Variants in GUCY2C observed in about 807,000 individuals in gnomAD.
GUCY2C encodes guanylyl cyclase C.
A neutral mutation model predicts 131.1 loss-of-function variants in GUCY2C; 118 were observed. The observed-to-expected ratio is 0.90, with a 90% confidence interval of 0.78 to 1.05. The LOEUF (loss-of-function observed/expected upper bound fraction) is 1.05, where lower values mean the gene tolerates loss of function less well. Among genes scored for constraint, GUCY2C ranks in the 50% least tolerant of loss-of-function variants. The pLI is 0.00. For missense variants in GUCY2C, 1,161 were observed against 1,304.4 expected (o/e 0.89, Z 1.69); for synonymous variants, 452 against 457.8 (o/e 0.99, Z 0.16).
At chr12:14,683,520 A>G (rs1948394154) in intron 3 of GUCY2C, among the ~76,000 whole-genome samples, 1 of 152,188 alleles carries the variant, frequency 6.6e-6, no homozygotes, top group Non-Finnish European at 1.5e-5. Flanking sequence ...TTCTAAAGTG[A>G]GTCATCATGA....
chr12:14,635,717 C>T (rs1201623093), intron 19 of GUCY2C, among the ~76,000 whole-genome samples: 1 of 151,528 alleles, frequency 6.6e-6, no homozygotes, highest in Non-Finnish European at 1.5e-5. Context: ...GCTAGACTAA[C>T]CAAGAAAAAA....
intron 9 of GUCY2C, among the ~76,000 whole-genome samples, chr12:14,672,544 A>G (rs1264682559): frequency 6.6e-6 from 1 of 152,184 alleles, no homozygotes; most frequent in African/African-American, 2.4e-5. Flanking sequence ...TGATCCTCTC[A>G]TTGGTATCCC....
chr12:14,668,032 C>G (rs1592130586), intron 10 of GUCY2C, among the ~76,000 whole-genome samples: 2 of 100,556 alleles, frequency 2.0e-5, no homozygotes, highest in African/African-American at 3.9e-5. Flanking sequence ...GAGGCAGGGT[C>G]TTGCTCTGTC....
intron 19 of GUCY2C, among the ~76,000 whole-genome samples, chr12:14,634,357 C>A (rs1201160398): frequency 6.6e-6 from 1 of 152,180 alleles, no homozygotes; most frequent in African/African-American, 2.4e-5. Context: ...TTCATCACCC[C>A]TAGACCTCCC....
At chr12:14,634,989 G>A (rs1275605273) in intron 19 of GUCY2C, among the ~76,000 whole-genome samples, 1 of 152,116 alleles carries the variant, frequency 6.6e-6, no homozygotes, top group Non-Finnish European at 1.5e-5. Context: ...AGATCTAAAG[G>A]AAGAAGTAGA....
At chr12:14,664,583 C>G (rs1204314689) in intron 10 of GUCY2C, among the ~76,000 whole-genome samples, 1 of 152,040 alleles carries the variant, frequency 6.6e-6, no homozygotes, top group Non-Finnish European at 1.5e-5. Context: ...AACGCAGTAT[C>G]AAGTTCTAAA....
intron 16 of GUCY2C, among the ~76,000 whole-genome samples, chr12:14,644,582 C>A (rs1250372133): frequency 6.6e-6 from 1 of 152,120 alleles, no homozygotes; most frequent in African/African-American, 2.4e-5. Context: ...CCTCTCACAA[C>A]CAACTTGTCT....
In GUCY2C at chr12:14,674,280, G is replaced by T. The variant is rs755908537; in HGVS notation, c.1084+345C>A. The T allele has an allele frequency of 9.9e-5, 33 of 332,058 alleles. 2 individuals carry two copies. Among genetic ancestry groups the T allele is most frequent in the Admixed American group, 5.5e-4 (14 of 25,320 alleles). 20.6% of individuals were successfully genotyped at this position (332,058 alleles called of 1,614,324 possible). A position where few individuals can be genotyped will look rare whatever the true frequency, so the allele number is the denominator to read the frequency against. On this transcript the variant is annotated intron_variant, in intron 8 of 26. Coordinates refer to ENST00000261170, the MANE Select transcript of GUCY2C (RefSeq NM_004963.4). ...AAGGATAGAAAAGGAGATATGGAAG[G>T]ACCCAAATCAAACTGCAAATGTTTA...
intron 10 of GUCY2C, among the ~76,000 whole-genome samples, chr12:14,662,397 C>G (rs985130936): frequency 2.0e-5 from 3 of 151,834 alleles, no homozygotes; most frequent in Admixed American, 6.6e-5. Context: ...AGATGTTGGC[C>G]GGGTGCGGTG....
At chr12:14,687,909 G>T in intron 2 of GUCY2C, 42 bp downstream of exon 2, 1 of 1,022,062 alleles carries the variant, frequency 9.8e-7, no homozygotes, top group Non-Finnish European at 1.6e-6. Context: ...ATTATCCTGT[G>T]CCCAGAGGCC....
chr12:14,691,031 A>T (rs1390583963), intron 1 of GUCY2C, among the ~76,000 whole-genome samples: 1 of 152,270 alleles, frequency 6.6e-6, no homozygotes, highest in Non-Finnish European at 1.5e-5. Context: ...CACCTTTAAA[A>T]GAGCAAAGCA....
chr12:14,639,915 T>G lies in GUCY2C; in HGVS notation c.2104A>C (p.Lys702Gln), dbSNP rs1292364043. ...IFRVENSNGM[K>Q]PFRPDLFLET... is the part of the protein sequence containing the mutation. ...AAGAATAAATCTGGGCGGAAGGGTT[T>G]CATTCCATTGGAATTTTCCACTCTG... The change falls in exon 19 of 27, where the codon AAA becomes CAA. Residue 702 changes from lysine to glutamine, a missense_variant. By Grantham distance (53) the Lys-to-Gln change is moderately conservative (BLOSUM62 1). Transcript: ENST00000261170. The G allele has an allele frequency of 6.2e-7, 1 of 1,611,806 alleles. No homozygotes were observed. The highest frequency in any genetic ancestry group is 8.5e-7 in the Non-Finnish European group (1 of 1,177,848).
rs77044200 is a variant in GUCY2C at position 14,654,338 on chromosome 12, C to T, written c.1471-1324G>A. On this transcript the variant is annotated intron_variant, in intron 12 of 26. Transcript: ENST00000261170. Reference sequence around the variant, plus strand: ...CCTGTCTGGTTGTAGGTATTTTCCACCCTTGCTGACTTCGGGTGACCTTGG... The same window carrying T: ...CCTGTCTGGTTGTAGGTATTTTCCATCCTTGCTGACTTCGGGTGACCTTGG... Among the ~76,000 whole-genome samples, 132 of 152,272 alleles carry T rather than the reference C, an allele frequency of 8.7e-4. 4 individuals are homozygous for T. In the East Asian group the frequency reaches 0.018, roughly 20 times the overall value.
intron 3 of GUCY2C, among the ~76,000 whole-genome samples, chr12:14,684,227 C>T (rs1029823340): frequency 6.6e-6 from 1 of 152,148 alleles, no homozygotes; most frequent in African/African-American, 2.4e-5. Flanking sequence ...TATGGTCCTA[C>T]TTAATTTTCC....
Position 14,680,365 on chromosome 12 carries a change from T to A in GUCY2C, c.734-612A>T, listed in dbSNP as rs1420859837. Among the ~76,000 whole-genome samples the A allele has an allele frequency of 1.3e-5, 2 of 152,270 alleles. 1 individual carries two copies. Among genetic ancestry groups the A allele is most frequent in the East Asian group, 3.9e-4 (2 of 5,182 alleles). ...AGGAGTTGGGGGAGACTTCATTAGA[T>A]CTTTTTAGATGCTGTGCCATTATGC... On this transcript the variant is annotated intron_variant, in intron 5 of 26. Coordinates refer to ENST00000261170, the MANE Select transcript of GUCY2C (RefSeq NM_004963.4).
intron 3 of GUCY2C, among the ~76,000 whole-genome samples, chr12:14,684,606 TTCCTTCCTTCCTTCCTTCC>T (rs1565635506): frequency 0.14 from 5,370 of 38,580 alleles, 299 homozygotes; most frequent in Non-Finnish European, 0.21. Flanking sequence ...CCTTCCTTCC[TTCCTTCCTTCCTTCCTTCC>T]TTCCTTTCCT....
At position 14,680,661 on chromosome 12, in the gene GUCY2C, GA is replaced by G. The variant is rs145765547; in HGVS notation, c.733+694del. On this transcript the variant is annotated intron_variant, in intron 5 of 26. Coordinates refer to ENST00000261170, the MANE Select transcript of GUCY2C (RefSeq NM_004963.4). ...GCAACAAATCCCCTAATATCTTAGT[GA>G]GGATGACTTCTTTTTATTTGAATAG... Among the ~76,000 whole-genome samples the G allele has an allele frequency of 3.7e-3, 558 of 152,270 alleles. 2 individuals are homozygous for G. The highest frequency in any genetic ancestry group is 0.013 in the African/African-American group (532 of 41,552).
At chr12:14,651,603 ATCTTTG>A in intron 14 of GUCY2C, 92 bp from the exon 15 acceptor site, 1 of 700,384 alleles carries the variant, frequency 1.4e-6, no homozygotes, top group South Asian at 1.6e-5. Context: ...TTTGTTTCAG[ATCTTTG>A]AGAAGATGTG....
intron 12 of GUCY2C, among the ~76,000 whole-genome samples, chr12:14,653,340 T>C (rs1364807312): frequency 2.0e-5 from 3 of 152,200 alleles, no homozygotes; most frequent in East Asian, 1.9e-4. Flanking sequence ...TAGCTACAGA[T>C]AGATGCTCTT....
Sources: allele counts gnomAD v4.1 joint callset (sites outside exome capture counted in the v4.1 genomes callset), GRCh38; gene constraint gnomAD v4.1.1; transcripts MANE v1.5; gene names NCBI Gene and HGNC (gene_info 2026-07-23, HGNC 2026-07-21).